Variants in SIM1 observed in about 807,000 individuals in gnomAD.
SIM1 encodes single-minded homolog 1.
Under a neutral mutation model 78.2 loss-of-function variants are expected in SIM1, and 18 were observed. The ratio of observed to expected loss-of-function variants is 0.23; its 90% CI spans 0.16 to 0.34. The LOEUF (loss-of-function observed/expected upper bound fraction) is 0.34, where lower values mean the gene tolerates loss of function less well. Ranked by LOEUF, SIM1 falls within the 10% of genes least tolerant of loss-of-function variation. The probability of loss-of-function intolerance (pLI) is 1.00; values close to 1 mark genes in which losing one functional copy is unlikely to be tolerated. For synonymous variants in SIM1, 417 were observed against 385.2 expected (o/e 1.08, Z -0.97); for missense variants, 939 against 975.1 (o/e 0.96, Z 0.49).
intron 9 of SIM1, among the ~76,000 whole-genome samples, chr6:100,441,410 C>T (rs551306961): frequency 6.6e-6 from 1 of 152,276 alleles, no homozygotes; most frequent in East Asian, 1.9e-4. Context: ...CAATTCCTTC[C>T]TCTCATCCCA....
chr6:100,393,831 C>G lies in SIM1; in HGVS notation c.1226G>C (p.Ser409Thr). 1 of 1,607,364 alleles carries G rather than the reference C, an allele frequency of 6.2e-7. No homozygotes were observed. The highest frequency in any genetic ancestry group is 8.5e-7 in the Non-Finnish European group (1 of 1,175,682). Residue 409 changes from serine to threonine, a missense_variant, in exon 11 of 12, where the codon AGT becomes ACT. This residue lies in a region of SIM1 where 556 missense variants were observed against 521.9 expected (regional missense o/e 1.07). Transcript: ENST00000369208. ...CGGAGAGGCCGTGTCGGTCAAGGGA[C>G]TTCCGCCCCACTGGCTGTCATGATC... is the stretch of plus-strand genomic sequence containing the variant. Reference protein sequence around the residue: ...ESDHDSQWGGSPLTDTASPQL... With the variant: ...ESDHDSQWGGTPLTDTASPQL...
intron 9 of SIM1, among the ~76,000 whole-genome samples, chr6:100,430,813 C>A (rs1286561073): frequency 2.6e-5 from 4 of 152,118 alleles, no homozygotes; most frequent in African/African-American, 9.7e-5. Flanking sequence ...CTTAGCAAAA[C>A]TGATTCCTAA....
intron 9 of SIM1, among the ~76,000 whole-genome samples, chr6:100,432,994 T>C (rs970038490): frequency 6.6e-6 from 1 of 152,112 alleles, no homozygotes; most frequent in Non-Finnish European, 1.5e-5. Flanking sequence ...TCACATCCCA[T>C]ATCCAATCTA....
At chr6:100,447,210 C>A (rs978539124) in intron 9 of SIM1, 58 bp downstream of exon 9, 1 of 1,574,280 alleles carries the variant, frequency 6.4e-7, no homozygotes, top group South Asian at 1.2e-5. Flanking sequence ...GCCACCCGCA[C>A]TCTCGCAGAG....
chr6:100,398,904 T>C (rs1254622147), intron 10 of SIM1, among the ~76,000 whole-genome samples: 2 of 151,726 alleles, frequency 1.3e-5, no homozygotes, highest in African/African-American at 4.8e-5. Flanking sequence ...CGGGTTCAAA[T>C]GTATCTACAT....
At chr6:100,421,791 C>T (rs1330884303) in intron 9 of SIM1, among the ~76,000 whole-genome samples, 1 of 152,158 alleles carries the variant, frequency 6.6e-6, no homozygotes, top group Non-Finnish European at 1.5e-5. Flanking sequence ...CGAGTCTCAT[C>T]GGACTCCTCA....
At chr6:100,392,843 G>A (rs1190787159) in intron 11 of SIM1, among the ~76,000 whole-genome samples, 3 of 152,194 alleles carry the variant, frequency 2.0e-5, no homozygotes, top group Non-Finnish European at 4.4e-5. Context: ...GGAAGCATTA[G>A]CAACAATCAA....
In SIM1 at chr6:100,453,787, C is replaced by T. The variant is rs368411940; in HGVS notation, c.233G>A (p.Arg78Gln). 2 of 1,611,834 alleles carry T rather than the reference C, an allele frequency of 1.2e-6. No homozygotes were observed. The highest frequency in any genetic ancestry group is 2.7e-5 in the African/African-American group (2 of 74,724). The change falls in exon 3 of 12, where the codon CGA (arginine) becomes CAA (glutamine). Residue 78 changes from arginine (R) to glutamine (Q), a missense_variant. Coordinates refer to ENST00000369208, the MANE Select transcript of SIM1 (RefSeq NM_005068.3). Reference sequence around the variant, plus strand: ...CTGGAGCAGATGGGAGCCCAGTTCTCGGCCAACGTTGTCCAGGGGGCTGGT... The same window carrying T: ...CTGGAGCAGATGGGAGCCCAGTTCTTGGCCAACGTTGTCCAGGGGGCTGGT... ...SRTSPLDNVG[R>Q]ELGSHLLQTL... is the part of the protein sequence containing the mutation.
chr6:100,424,149 A>G (rs1771664974), intron 9 of SIM1, among the ~76,000 whole-genome samples: 1 of 144,678 alleles, frequency 6.9e-6, no homozygotes, highest in South Asian at 2.2e-4. Flanking sequence ...TAACAGAAAT[A>G]CTTCAAATTA....
intron 9 of SIM1, among the ~76,000 whole-genome samples, chr6:100,433,183 A>ATGAATG (rs1771945653): frequency 6.6e-6 from 1 of 152,150 alleles, no homozygotes; most frequent in Admixed American, 6.5e-5. Flanking sequence ...TTTCTTATAC[A>ATGAATG]ATCAGATCAT....
intron 9 of SIM1, among the ~76,000 whole-genome samples, chr6:100,426,580 T>C (rs1481907664): frequency 6.6e-6 from 1 of 152,226 alleles, no homozygotes; most frequent in Non-Finnish European, 1.5e-5. Flanking sequence ...TTTCTATCAT[T>C]TCAACTGGGA....
intron 9 of SIM1, among the ~76,000 whole-genome samples, chr6:100,422,704 C>T (rs1049156049): frequency 1.3e-5 from 2 of 152,064 alleles, no homozygotes; most frequent in South Asian, 2.1e-4. Flanking sequence ...CACACACACA[C>T]GCACACATAA....
chr6:100,423,928 T>C (rs989292861), intron 9 of SIM1, among the ~76,000 whole-genome samples: 1 of 152,158 alleles, frequency 6.6e-6, no homozygotes, highest in East Asian at 1.9e-4. Context: ...CAGTAAGAAT[T>C]GTGCACCCAT....
In SIM1 at chr6:100,386,056, T is replaced by C. The variant is rs1770510527; in HGVS notation, c.*4305A>G. 6.6e-6 allele frequency: 1 copy of C among 152,054 alleles called. No individual in the cohort carries two copies. The highest frequency in any genetic ancestry group is 2.1e-4 in the South Asian group (1 of 4,832). The allele number at this position is 152,054 out of a possible 1,614,324, so 9.4% of individuals were successfully genotyped here. A position where few individuals can be genotyped will look rare whatever the true frequency, so the allele number is the denominator to read the frequency against. ...ACTAGTTCAGTAGATTTTTCTGTCT[T>C]AGACATAAATCCCTATTCACAAAAA... On this transcript the variant is annotated 3_prime_UTR_variant, in exon 12 of 12. Transcript: ENST00000369208.
intron 9 of SIM1, among the ~76,000 whole-genome samples, chr6:100,428,705 G>C (rs1310195513): frequency 1.3e-5 from 2 of 150,146 alleles, no homozygotes; most frequent in Non-Finnish European, 2.9e-5. Flanking sequence ...CCCCTAGTGG[G>C]TGCCTGAAAT....
chr6:100,430,029 T>G (rs1771861163), intron 9 of SIM1, among the ~76,000 whole-genome samples: 1 of 152,166 alleles, frequency 6.6e-6, no homozygotes, highest in Non-Finnish European at 1.5e-5. Flanking sequence ...TATATGACTT[T>G]CTGTTTCCTT....
At chr6:100,449,027 T>C (rs544970309) in intron 6 of SIM1, among the ~76,000 whole-genome samples, 26 of 152,332 alleles carry the variant, frequency 1.7e-4, no homozygotes, top group South Asian at 8.3e-4. Context: ...TAACCTCTTA[T>C]GTAACGCTAT....
At chr6:100,422,770 A>G (rs1032031202) in intron 9 of SIM1, among the ~76,000 whole-genome samples, 4 of 152,194 alleles carry the variant, frequency 2.6e-5, no homozygotes, top group African/African-American at 9.7e-5. Flanking sequence ...TCCACAATGT[A>G]TACATACATT....
In SIM1 at chr6:100,390,623, G is replaced by T. The variant is rs149142065; in HGVS notation, c.2039C>A (p.Ser680Ter). The T allele has an allele frequency of 6.2e-7, 1 of 1,614,166 alleles. No homozygotes were observed. Among genetic ancestry groups the T allele is most frequent in the Non-Finnish European group, 8.5e-7 (1 of 1,180,038 alleles). Residue 680 changes from serine to a stop codon, truncating the protein, a stop_gained, in exon 12 of 12, where the codon TCG becomes TAG. Transcript: ENST00000369208. LOFTEE classifies it high-confidence loss of function. ...SLILAKDYLHSDISPHQTAGD... is the reference protein window; with the variant it reads ...SLILAKDYLH ...TGCTGTCTGATGAGGAGATATATCCGAATGCAGATAGTCTTTAGCTAGGAT... is the reference window on the plus strand; with the variant it reads ...TGCTGTCTGATGAGGAGATATATCCTAATGCAGATAGTCTTTAGCTAGGAT...
Sources: gnomAD v4.1 joint callset for allele counts (sites outside exome capture counted in the v4.1 genomes callset) on GRCh38, gnomAD v4.1.1 for gene constraint, gnomAD v4.1.1 regional missense constraint, MANE v1.5 for transcripts, NCBI Gene and HGNC (gene_info 2026-07-23, HGNC 2026-07-21) for gene names.